FCHSD2: variants seen among roughly 807,000 people sequenced by gnomAD.
The protein encoded by FCHSD2 is F-BAR and double SH3 domains protein 2.
A neutral mutation model predicts 108.1 loss-of-function variants in FCHSD2; 38 were observed. The observed-to-expected ratio is 0.35, with a 90% confidence interval of 0.27 to 0.46. The LOEUF (loss-of-function observed/expected upper bound fraction) is 0.46. FCHSD2 is among the 20% of genes least tolerant of loss of function. The pLI is 1.00. For missense variants in FCHSD2, 751 were observed against 897.8 expected (o/e 0.84, Z 2.09); for synonymous variants, 279 against 314.7 (o/e 0.89, Z 1.20).
intron 8 of FCHSD2, among the ~76,000 whole-genome samples, chr11:72,956,724 A>G (rs1415491985): frequency 6.6e-6 from 1 of 152,016 alleles, no homozygotes; most frequent in Non-Finnish European, 1.5e-5. Flanking sequence ...CCCACCTCCT[A>G]ATATTATCCC....
intron 9 of FCHSD2, among the ~76,000 whole-genome samples, chr11:72,918,358 T>C (rs1591397620): frequency 1.3e-5 from 2 of 152,230 alleles, no homozygotes. Context: ...TCTTTTTCAA[T>C]TTGGCTGCCT....
intron 13 of FCHSD2, among the ~76,000 whole-genome samples, 190 bp from the exon 14 acceptor site, chr11:72,850,079 T>G: frequency 1.9e-5 from 1 of 51,682 alleles, no homozygotes; most frequent in Admixed American, 1.9e-4. Context: ...TTTTTTTTTT[T>G]TGAGATGGAA....
chr11:72,924,755 T>C (rs1374584645), intron 8 of FCHSD2, among the ~76,000 whole-genome samples: 2 of 151,818 alleles, frequency 1.3e-5, no homozygotes, highest in Admixed American at 1.3e-4. Flanking sequence ...TCTATAGTGC[T>C]TACACCACTA....
chr11:72,949,529 T>A (rs1296556585), intron 8 of FCHSD2, among the ~76,000 whole-genome samples: 1 of 152,080 alleles, frequency 6.6e-6, no homozygotes, highest in Non-Finnish European at 1.5e-5. Flanking sequence ...AGCCATTAAG[T>A]AGTCAGTGCC....
chr11:72,985,008 G>A, intron 7 of FCHSD2, 54 bp downstream of exon 7: 1 of 742,008 alleles, frequency 1.3e-6, no homozygotes, highest in Non-Finnish European at 2.3e-6. Flanking sequence ...CCAATTCTCT[G>A]TTTTACAAGC....
chr11:73,100,074 C>G (rs1325475418), intron 2 of FCHSD2, among the ~76,000 whole-genome samples: 1 of 152,168 alleles, frequency 6.6e-6, no homozygotes, highest in African/African-American at 2.4e-5. Context: ...CTTCTCAGCC[C>G]TTCCGCTTCC....
At position 72,894,954 on chromosome 11, in the gene FCHSD2, A is replaced by G. The variant is rs146981432; in HGVS notation, c.925-5009T>C. 7.4e-4 allele frequency among the ~76,000 whole-genome samples: 113 copies of G among 152,274 alleles called. 1 individual carries two copies. The highest frequency in any genetic ancestry group is 1.4e-3 in the Non-Finnish European group (96 of 68,028). Reference sequence around the variant, plus strand: ...GGGTCACTTTTCTAAAATCTGGAAAATTCTGAATTTTGACATGTATTTGGC... The same window carrying G: ...GGGTCACTTTTCTAAAATCTGGAAAGTTCTGAATTTTGACATGTATTTGGC... On this transcript the variant is annotated intron_variant, in intron 10 of 19. Transcript: ENST00000409418.
chr11:72,905,643 G>C (rs1270403961), intron 9 of FCHSD2, among the ~76,000 whole-genome samples: 1 of 151,320 alleles, frequency 6.6e-6, no homozygotes, highest in East Asian at 2.0e-4. Context: ...CTGTGTCCAT[G>C]TGTTCTCATT....
intron 2 of FCHSD2, among the ~76,000 whole-genome samples, chr11:73,085,446 GT>G (rs1859792364): frequency 6.6e-6 from 1 of 152,160 alleles, no homozygotes; most frequent in Admixed American, 6.5e-5. Flanking sequence ...ATTGATGCAA[GT>G]TCCTCTCCTG....
At chr11:72,931,225 G>C (rs35415377) in intron 8 of FCHSD2, among the ~76,000 whole-genome samples, 1 of 148,242 alleles carries the variant, frequency 6.7e-6, no homozygotes, top group African/African-American at 2.5e-5. Flanking sequence ...CTCCTGAATA[G>C]CTGGGATTAC....
intron 2 of FCHSD2, among the ~76,000 whole-genome samples, chr11:73,097,876 G>C (rs969614069): frequency 2.6e-5 from 4 of 151,974 alleles, no homozygotes; most frequent in African/African-American, 9.7e-5. Flanking sequence ...GTCTTGCTAT[G>C]TTATCCCAGT....
chr11:72,843,444 T>G lies in FCHSD2; in HGVS notation c.1527+5A>C. 1 of 1,611,418 alleles carries G rather than the reference T, an allele frequency of 6.2e-7. No homozygotes were observed. Among genetic ancestry groups the G allele is most frequent in the Non-Finnish European group, 8.5e-7 (1 of 1,177,538 alleles). ...AGAAAGGGCGATATGAGCAAAGGAATATACCTTTACCCAGTCTTCCATATC... is the reference window on the plus strand; with the variant it reads ...AGAAAGGGCGATATGAGCAAAGGAAGATACCTTTACCCAGTCTTCCATATC... On this transcript the variant is annotated splice_donor_5th_base_variant and intron_variant, in intron 15 of 19. Transcript: ENST00000409418.
At chr11:72,908,648 C>T (rs1855684754) in intron 9 of FCHSD2, among the ~76,000 whole-genome samples, 2 of 152,104 alleles carry the variant, frequency 1.3e-5, no homozygotes, top group South Asian at 2.1e-4. Context: ...ATGTTGAGTA[C>T]CTTTCCATAT....
At chr11:72,901,154 G>A (rs1247673884) in intron 10 of FCHSD2, among the ~76,000 whole-genome samples, 2 of 152,192 alleles carry the variant, frequency 1.3e-5, no homozygotes, top group Admixed American at 1.3e-4. Flanking sequence ...CACTTTGGGA[G>A]ACTAAAGTGG....
chr11:73,070,955 C>T (rs1201371709), intron 3 of FCHSD2, among the ~76,000 whole-genome samples: 1 of 152,126 alleles, frequency 6.6e-6, no homozygotes, highest in African/African-American at 2.4e-5. Context: ...GCAGAAGTTG[C>T]AAACTGGCAT....
chr11:73,050,145 G>A (rs1050741405), intron 3 of FCHSD2, among the ~76,000 whole-genome samples: 40 of 152,172 alleles, frequency 2.6e-4, no homozygotes, highest in African/African-American at 8.9e-4. Context: ...TACTATTGTA[G>A]TGAGAAAGCA....
intron 14 of FCHSD2, among the ~76,000 whole-genome samples, chr11:72,847,689 C>T (rs1861181527): frequency 6.7e-6 from 1 of 148,432 alleles, no homozygotes; most frequent in Admixed American, 6.7e-5. Context: ...TTGACTCTAA[C>T]CTTTTTTTTT....
chr11:73,013,092 A>G (rs1857895788), intron 4 of FCHSD2, among the ~76,000 whole-genome samples: 1 of 152,172 alleles, frequency 6.6e-6, no homozygotes, highest in Non-Finnish European at 1.5e-5. Flanking sequence ...CAACACCTCC[A>G]TTACGTTCTG....
At chr11:72,957,302 C>T (rs1040248475) in intron 8 of FCHSD2, among the ~76,000 whole-genome samples, 4 of 148,604 alleles carry the variant, frequency 2.7e-5, no homozygotes, top group Non-Finnish European at 5.9e-5. Flanking sequence ...TTTGTTCTTG[C>T]GATAGTTTAC....
Sources: gnomAD v4.1 joint callset for allele counts (sites outside exome capture counted in the v4.1 genomes callset) on GRCh38, gnomAD v4.1.1 for gene constraint, MANE v1.5 for transcripts, NCBI Gene and HGNC (gene_info 2026-07-23, HGNC 2026-07-21) for gene names.